Variants in ABCA13 observed in about 807,000 individuals in gnomAD.
ABCA13 encodes ATP binding cassette subfamily A member 13.
ABCA13 carries 476 observed loss-of-function variants against 478.7 expected under a neutral mutation model. That is an observed-to-expected ratio of 0.99 (90% confidence interval 0.92 to 1.07). ABCA13 has a LOEUF of 1.07. Among genes scored for constraint, ABCA13 ranks in the 50% least tolerant of loss-of-function variants. The pLI, the probability that ABCA13 is intolerant of heterozygous loss-of-function variation, is 0.00. For missense variants in ABCA13, 6,060 were observed against 5,910.6 expected, an observed-to-expected ratio of 1.03 and a Z score of -0.83; for synonymous variants, 2,252 against 2,158.9, an observed-to-expected ratio of 1.04 and a Z score of -1.20.
At chr7:48,379,929 C>T (rs1020312740) in intron 35 of ABCA13, among the ~76,000 whole-genome samples, 1 of 152,180 alleles carries the variant, frequency 6.6e-6, no homozygotes, top group Non-Finnish European at 1.5e-5. Context: ...ACAATTCTAT[C>T]TCATTTCAGT....
rs571861057 is a variant in ABCA13 at position 48,578,389 on chromosome 7, G to A, written c.14355-1835G>A. Among the ~76,000 whole-genome samples the A allele has an allele frequency of 1.4e-3, 215 of 152,122 alleles. 1 individual carries two copies. In the South Asian group the frequency reaches 0.019, roughly 14 times the overall value. On this transcript the variant is annotated intron_variant, in intron 55 of 61. Coordinates refer to ENST00000435803, the MANE Select transcript of ABCA13 (RefSeq NM_152701.5). ...TTATATCAAGGTTTCAGGATACAAC[G>A]TTAATATAGAAAAGTCATGTTTCCC...
In ABCA13 at chr7:48,275,959, C is replaced by A. The variant is rs546225468; in HGVS notation, c.6293C>A (p.Thr2098Asn). The change falls in exon 17 of 62, where the codon ACT becomes AAT. Residue 2098 changes from threonine (T) to asparagine (N), a missense_variant. Physicochemically the swap from Thr to Asn is moderately conservative, Grantham distance 65 (BLOSUM62 0). Transcript: ENST00000435803. ...SINSMALQKI[T>N]LQFAHFLEIL... ...AATTCAATGGCTCTTCAAAAGATAA[C>A]TTTGCAGTTTGCCCATTTCCTGGAA... The A allele has an allele frequency of 7.6e-5, 122 of 1,613,594 alleles. No homozygotes were observed. In the South Asian group the frequency reaches 1.3e-3, roughly 17 times the overall value.
intron 48 of ABCA13, among the ~76,000 whole-genome samples, chr7:48,504,293 C>T (rs1662357906): frequency 6.6e-6 from 1 of 152,060 alleles, no homozygotes; most frequent in South Asian, 2.1e-4. Context: ...CTATATTTTT[C>T]TATTTCTTTC....
intron 51 of ABCA13, among the ~76,000 whole-genome samples, chr7:48,515,591 C>T (rs1479824118): frequency 6.6e-6 from 1 of 152,158 alleles, no homozygotes; most frequent in African/African-American, 2.4e-5. Context: ...TGTTCATCTA[C>T]TTATCACCTG....
chr7:48,335,595 C>A, intron 28 of ABCA13, 60 bp downstream of exon 28: 1 of 1,339,208 alleles, frequency 7.5e-7, no homozygotes, highest in Non-Finnish European at 1.1e-6. Context: ...ATGTCCGAGA[C>A]ATCAGGGCTG....
chr7:48,466,797 T>C (rs2130162934), intron 43 of ABCA13, among the ~76,000 whole-genome samples, 159 bp from the exon 44 acceptor site: 1 of 152,310 alleles, frequency 6.6e-6, no homozygotes, highest in East Asian at 1.9e-4. Flanking sequence ...GGCATTATCA[T>C]AAAAACAGTG....
intron 33 of ABCA13, 105 bp downstream of exon 33, chr7:48,372,602 A>G: frequency 1.1e-6 from 1 of 938,888 alleles, no homozygotes; most frequent in Non-Finnish European, 1.5e-6. Flanking sequence ...TGTCATGTTC[A>G]TATCTACATG....
chr7:48,597,136 G>T (rs1790376159), intron 58 of ABCA13, among the ~76,000 whole-genome samples: 1 of 152,014 alleles, frequency 6.6e-6, no homozygotes, highest in Admixed American at 6.6e-5. Context: ...TATTTTAGTA[G>T]AGACGGGGTT....
At chr7:48,578,871 G>GGCAACCATGTGGGCAAATAATCATCTTT (rs1788438192) in intron 55 of ABCA13, among the ~76,000 whole-genome samples, 1 of 152,126 alleles carries the variant, frequency 6.6e-6, no homozygotes, top group African/African-American at 2.4e-5. Context: ...AAAGAACAAA[G>GGCAACCATGTGGGCAAATAATCATCTTT]GCAACCATGT....
At chr7:48,410,397 C>G in intron 39 of ABCA13, 123 bp from the exon 40 acceptor site, 1 of 1,259,630 alleles carries the variant, frequency 7.9e-7, no homozygotes, top group Non-Finnish European at 1.1e-6. Flanking sequence ...CAATTTTTTT[C>G]AGTTTGAAAA....
chr7:48,238,755 A>ACCGTGCCCAGCCACTGTGTTGAAGT (rs1790359613), intron 8 of ABCA13, among the ~76,000 whole-genome samples: 2 of 152,252 alleles, frequency 1.3e-5, no homozygotes, highest in African/African-American at 4.8e-5. Flanking sequence ...GGCGTGAGCC[A>ACCGTGCCCAGCCACTGTGTTGAAGT]CCGTGCCCAG....
At chr7:48,368,980 T>C (rs1812211680) in intron 32 of ABCA13, among the ~76,000 whole-genome samples, 1 of 152,074 alleles carries the variant, frequency 6.6e-6, no homozygotes, top group South Asian at 2.1e-4. Context: ...ATCTCCACAC[T>C]GTTTTCCATA....
chr7:48,605,607 T>C (rs776761957), intron 58 of ABCA13, among the ~76,000 whole-genome samples: 2 of 152,160 alleles, frequency 1.3e-5, no homozygotes, highest in African/African-American at 2.4e-5. Flanking sequence ...GCTTCCCTTT[T>C]TGGGTAACCC....
chr7:48,186,782 A>G (rs188499221), intron 1 of ABCA13, among the ~76,000 whole-genome samples: 52 of 152,122 alleles, frequency 3.4e-4, no homozygotes, highest in African/African-American at 1.2e-3. Flanking sequence ...AAGACCAGAA[A>G]TGCAAGAAAA....
intron 1 of ABCA13, 94 bp from the exon 2 acceptor site, chr7:48,192,865 C>T (rs1797283566): frequency 1.1e-6 from 1 of 942,588 alleles, no homozygotes; most frequent in Non-Finnish European, 1.6e-6. Flanking sequence ...CTGAGACACA[C>T]AGCAGGGATT....
intron 57 of ABCA13, among the ~76,000 whole-genome samples, chr7:48,589,800 AG>A (rs1789543420): frequency 6.6e-6 from 1 of 152,200 alleles, no homozygotes; most frequent in Non-Finnish European, 1.5e-5. Flanking sequence ...TGTGCCCTCC[AG>A]AGGGGAGGAA....
chr7:48,285,152 G>C (rs1398387759), intron 19 of ABCA13, among the ~76,000 whole-genome samples: 1 of 152,038 alleles, frequency 6.6e-6, no homozygotes, highest in Non-Finnish European at 1.5e-5. Context: ...GAGAGTGAGA[G>C]TGAGTTTCCC....
intron 21 of ABCA13, among the ~76,000 whole-genome samples, chr7:48,296,197 C>G (rs1337065078): frequency 6.6e-6 from 1 of 152,110 alleles, no homozygotes; most frequent in Non-Finnish European, 1.5e-5. Flanking sequence ...TGAGACCAAC[C>G]TGGGCAACAT....
At chr7:48,199,634 T>C (rs946135954) in intron 3 of ABCA13, among the ~76,000 whole-genome samples, 4 of 152,176 alleles carry the variant, frequency 2.6e-5, no homozygotes, top group Non-Finnish European at 4.4e-5. Context: ...TATAGAAATA[T>C]GATATAAAGA....
Sources: allele counts gnomAD v4.1 joint callset (sites outside exome capture counted in the v4.1 genomes callset), GRCh38; gene constraint gnomAD v4.1.1; transcripts MANE v1.5; gene names NCBI Gene and HGNC (gene_info 2026-07-23, HGNC 2026-07-21).